The following ITGAM variants were observed in gnomAD, a reference collection of about 807,000 sequenced individuals.
ITGAM encodes integrin subunit alpha M.
A neutral mutation model predicts 137.5 loss-of-function variants in ITGAM; 79 were observed. The ratio of observed to expected loss-of-function variants is 0.57; its 90% CI spans 0.48 to 0.69. The LOEUF (loss-of-function observed/expected upper bound fraction) is 0.69. ITGAM is among the 30% of genes least tolerant of loss of function. The probability of loss-of-function intolerance (pLI) is 0.00; values close to 1 mark genes in which losing one functional copy is unlikely to be tolerated. For synonymous variants in ITGAM, 583 were observed against 592.3 expected (o/e 0.98, Z 0.23); for missense variants, 1,343 against 1,483.5 (o/e 0.91, Z 1.56).
intron 2 of ITGAM, among the ~76,000 whole-genome samples, chr16:31,262,389 T>TGCC (rs2079714479): frequency 4.2e-5 from 6 of 141,596 alleles, no homozygotes; most frequent in African/African-American, 1.6e-4. Context: ...CCTTCCTTCC[T>TGCC]TCCTTCCTTC....
chr16:31,307,182 A>G (rs941357875), intron 14 of ITGAM, among the ~76,000 whole-genome samples: 2 of 152,162 alleles, frequency 1.3e-5, no homozygotes, highest in Non-Finnish European at 2.9e-5. Flanking sequence ...AATTCTGTGA[A>G]GAAAGTCATT....
chr16:31,260,325 C>T (rs1162364702), intron 1 of ITGAM, among the ~76,000 whole-genome samples: 3 of 152,102 alleles, frequency 2.0e-5, no homozygotes, highest in African/African-American at 4.8e-5. Flanking sequence ...GCTTGCCGGT[C>T]CCCTTGCTTC....
chr16:31,298,493 C>T (rs2080162348), intron 14 of ITGAM, among the ~76,000 whole-genome samples: 1 of 152,184 alleles, frequency 6.6e-6, no homozygotes, highest in African/African-American at 2.4e-5. Context: ...TCATCACCCC[C>T]ACTTTACAGA....
At chr16:31,282,860 T>A (rs1018675090) in intron 12 of ITGAM, among the ~76,000 whole-genome samples, 16 of 152,136 alleles carry the variant, frequency 1.1e-4, no homozygotes, top group Non-Finnish European at 1.6e-4. Flanking sequence ...CTGGCACTGG[T>A]TTTTCCTTTC....
At chr16:31,282,379 C>G (rs1333202073) in intron 12 of ITGAM, among the ~76,000 whole-genome samples, 1 of 152,140 alleles carries the variant, frequency 6.6e-6, no homozygotes. Context: ...TCACTAAGCA[C>G]TTGCTTTATG....
In ITGAM at chr16:31,298,831, G is replaced by T. The variant is rs535265409; in HGVS notation, c.1707+877G>T. Among the ~76,000 whole-genome samples the T allele has an allele frequency of 2.0e-5, 3 of 147,858 alleles. No individual in the cohort carries two copies. In the East Asian group the frequency reaches 5.8e-4, roughly 29 times the overall value. Reference sequence around the variant, plus strand: ...GGGGTCCTACGTTTTTTTGCATTGGGTCTTGCAAAGCATGGAGCCCATCCT... The same window carrying T: ...GGGGTCCTACGTTTTTTTGCATTGGTTCTTGCAAAGCATGGAGCCCATCCT... On this transcript the variant is annotated intron_variant, in intron 14 of 29. Transcript: ENST00000544665.
At chr16:31,291,522 A>G (rs1395715134) in intron 12 of ITGAM, among the ~76,000 whole-genome samples, 2 of 152,152 alleles carry the variant, frequency 1.3e-5, no homozygotes, top group African/African-American at 4.8e-5. Context: ...TCTTTTCGAT[A>G]AAAGCCCTTT....
chr16:31,329,782 G>A lies in ITGAM; in HGVS notation c.2869-16G>A. The A allele has an allele frequency of 1.3e-6, 2 of 1,545,984 alleles. No homozygotes were observed. Among genetic ancestry groups the A allele is most frequent in the East Asian group, 2.4e-5 (1 of 40,928 alleles). On this transcript the variant is annotated splice_polypyrimidine_tract_variant and intron_variant, in intron 24 of 29. Coordinates refer to ENST00000544665, the MANE Select transcript of ITGAM (RefSeq NM_000632.4). ...GGAGGAAGGCCAGAGCCCTGACCCCGCCCTCCCCGGTGCAGGTCAGCAACC... is the reference window on the plus strand; with the variant it reads ...GGAGGAAGGCCAGAGCCCTGACCCCACCCTCCCCGGTGCAGGTCAGCAACC...
Position 31,324,127 on chromosome 16 carries a change from AAGGAAAGGAAGGAAAGT to A in ITGAM, c.2003-255_2003-239del, listed in dbSNP as rs556629427. ...AAAGGAAGGAAGGAAGAAGGGAAGG[AAGGAAAGGAAGGAAAGT>A]AGGAAAGGAAGGAAAGGAAGAAAAG... On this transcript the variant is annotated intron_variant, in intron 16 of 29. Transcript: ENST00000544665. This position sits in a 1 kb window ranked among gnomAD's most constrained non-coding sequence, Gnocchi z 4.5. Among the ~76,000 whole-genome samples the A allele has an allele frequency of 1.5e-3, 220 of 150,678 alleles. 1 individual carries two copies. The highest frequency in any genetic ancestry group is 2.5e-3 in the Non-Finnish European group (169 of 67,430).
chr16:31,283,954 C>T (rs1313308315), intron 12 of ITGAM, among the ~76,000 whole-genome samples: 1 of 152,200 alleles, frequency 6.6e-6, no homozygotes, highest in Admixed American at 6.5e-5. Flanking sequence ...ACAGTCAGGA[C>T]CATCAGCTGC....
chr16:31,323,650 A>G (rs1334624980), intron 16 of ITGAM, among the ~76,000 whole-genome samples: 1 of 152,210 alleles, frequency 6.6e-6, no homozygotes, highest in Non-Finnish European at 1.5e-5. Context: ...TGTATAAAAG[A>G]CACTGTGCTA....
At chr16:31,271,683 G>A (rs2079841598) in intron 6 of ITGAM, among the ~76,000 whole-genome samples, 164 bp from the exon 7 acceptor site, 1 of 152,158 alleles carries the variant, frequency 6.6e-6, no homozygotes, top group Non-Finnish European at 1.5e-5. Context: ...GAGGAGAGAT[G>A]GGAGCTGCTG....
intron 14 of ITGAM, among the ~76,000 whole-genome samples, chr16:31,303,286 C>G (rs2080234118): frequency 6.6e-6 from 1 of 152,000 alleles, no homozygotes; most frequent in South Asian, 2.1e-4. Flanking sequence ...CTTGGCCTCT[C>G]AAAGTGTTAG....
intron 12 of ITGAM, among the ~76,000 whole-genome samples, chr16:31,280,473 C>T (rs1433463219): frequency 2.0e-5 from 3 of 152,086 alleles, no homozygotes; most frequent in East Asian, 3.8e-4. Flanking sequence ...AGTTGGATTC[C>T]TAGGTATTTT....
chr16:31,284,394 C>A (rs147106359), intron 12 of ITGAM, among the ~76,000 whole-genome samples: 2 of 152,126 alleles, frequency 1.3e-5, no homozygotes, highest in African/African-American at 4.8e-5. Flanking sequence ...ACTTCCTGGC[C>A]GCTTTGTTTA....
intron 12 of ITGAM, among the ~76,000 whole-genome samples, chr16:31,293,174 G>C (rs1179834143): frequency 6.6e-6 from 1 of 152,088 alleles, no homozygotes; most frequent in South Asian, 2.1e-4. Flanking sequence ...TGGATGCATA[G>C]TTTGTGAATA....
intron 14 of ITGAM, among the ~76,000 whole-genome samples, chr16:31,300,303 T>G (rs1316306193): frequency 6.6e-6 from 1 of 152,214 alleles, no homozygotes; most frequent in Non-Finnish European, 1.5e-5. Flanking sequence ...TAACCAGAAG[T>G]GGGATTATTA....
Position 31,324,555 on chromosome 16 carries a change from T to C in ITGAM, c.2157+2T>C, listed in dbSNP as rs1265219749. 2 of 1,609,794 alleles carry C rather than the reference T, an allele frequency of 1.2e-6. No homozygotes were observed. On this transcript the variant is annotated splice_donor_variant, in intron 17 of 29. Coordinates refer to ENST00000544665, the MANE Select transcript of ITGAM (RefSeq NM_000632.4). LOFTEE classifies it high-confidence loss of function. This position sits in a 1 kb window ranked among gnomAD's most constrained non-coding sequence, Gnocchi z 4.5. ...GAGACCCTGAAACTACAGTTGCCGG[T>C]GAGCAGGCTAGTGGCCAGACCCCTG...
chr16:31,302,560 A>T (rs1261294741), intron 14 of ITGAM, among the ~76,000 whole-genome samples: 22 of 139,824 alleles, frequency 1.6e-4, no homozygotes, highest in Non-Finnish European at 3.2e-4. Context: ...TTTGAGACGG[A>T]GTCTCGTGCT....
Sources: allele counts gnomAD v4.1 joint callset (sites outside exome capture counted in the v4.1 genomes callset), GRCh38; gene constraint gnomAD v4.1.1; non-coding constraint Gnocchi (gnomAD v3.1); transcripts MANE v1.5; gene names NCBI Gene and HGNC (gene_info 2026-07-23, HGNC 2026-07-21).